The following DAGLA variants were observed in gnomAD, a reference collection of about 807,000 sequenced individuals.
The protein encoded by DAGLA is diacylglycerol lipase alpha.
Under a neutral mutation model 102.6 loss-of-function variants are expected in DAGLA, and 22 were observed. That is an observed-to-expected ratio of 0.21 (90% CI 0.15 to 0.31). DAGLA has a LOEUF of 0.31. Ranked by LOEUF, DAGLA falls within the 10% of genes least tolerant of loss-of-function variation. DAGLA has a pLI of 1.00. For synonymous variants in DAGLA, 578 were observed against 628.9 expected (o/e 0.92, Z 1.21); for missense variants, 927 against 1,446.6 (o/e 0.64, Z 5.83).
At chr11:61,739,864 C>T (rs991834721) in intron 17 of DAGLA, among the ~76,000 whole-genome samples, 2 of 152,196 alleles carry the variant, frequency 1.3e-5, no homozygotes, top group African/African-American at 4.8e-5. Flanking sequence ...GGACTCCAGG[C>T]GTCTCTCTCC....
rs531212352 is a variant in DAGLA, at chr11:61,723,334, T to C, written c.410-100T>C. Reference sequence around the variant, plus strand: ...AGCCTGGCTTTTGTCCCCAGAAGCATTTGGGGTTAGGGAGGCTCCAATGTC... The same window carrying C: ...AGCCTGGCTTTTGTCCCCAGAAGCACTTGGGGTTAGGGAGGCTCCAATGTC... On this transcript the variant is annotated intron_variant, in intron 4 of 19. Transcript: ENST00000257215. 3.4e-6 allele frequency: 5 copies of C among 1,482,336 alleles called. No individual in the cohort carries two copies. The South Asian group carries it at 6.3e-5, about 19-fold the overall frequency. The allele number at this position is 1,482,336 out of a possible 1,614,324, so 91.8% of individuals were successfully genotyped here.
intron 17 of DAGLA, 140 bp from the exon 18 acceptor site, chr11:61,740,323 C>T: frequency 1.8e-6 from 2 of 1,123,616 alleles, no homozygotes; most frequent in Non-Finnish European, 2.5e-6. Context: ...GGGAACAGAG[C>T]CCTGCTGCCA....
chr11:61,680,737 C>G (rs1194749801), intron 1 of DAGLA, among the ~76,000 whole-genome samples: 1 of 151,984 alleles, frequency 6.6e-6, no homozygotes, highest in Non-Finnish European at 1.5e-5. Context: ...CCGGCACAGG[C>G]GGCGTGGTTT....
chr11:61,692,789 T>C (rs933934091), intron 1 of DAGLA, among the ~76,000 whole-genome samples: 6 of 151,614 alleles, frequency 4.0e-5, no homozygotes, highest in Admixed American at 1.3e-4. Context: ...TGAATGAACT[T>C]CCGTACATCT....
chr11:61,727,820 C>T (rs1565259564), intron 6 of DAGLA, among the ~76,000 whole-genome samples: 1 of 152,214 alleles, frequency 6.6e-6, no homozygotes, highest in Admixed American at 6.5e-5. Flanking sequence ...CAGAGCCACC[C>T]GGCCTTGATT....
At position 61,744,064 on chromosome 11, in the gene DAGLA, C is replaced by T. The variant is rs767722766; in HGVS notation, c.2704C>T (p.Leu902=). Residue 902 remains leucine (L), a synonymous_variant, in exon 20 of 20, where the codon CTG becomes TTG. Transcript: ENST00000257215. ...GGAGCTGGCGCTGCACAATGGGCGC[C>T]TGGGGGACTCGCCCAGTCCTCAGGT... ...RGELALHNGR[L]GDSPSPQVLE... 5 of 1,612,728 alleles carry T rather than the reference C, an allele frequency of 3.1e-6. No individual in the cohort carries two copies. Among genetic ancestry groups the T allele is most frequent in the Non-Finnish European group, 4.2e-6 (5 of 1,179,982 alleles).
intron 1 of DAGLA, among the ~76,000 whole-genome samples, chr11:61,683,385 A>G (rs1314059960): frequency 2.0e-5 from 3 of 152,264 alleles, no homozygotes; most frequent in East Asian, 3.9e-4. Flanking sequence ...AGGGGTATCC[A>G]TGGCCTGTCT....
intron 1 of DAGLA, among the ~76,000 whole-genome samples, chr11:61,719,624 C>T (rs1217492443): frequency 2.0e-5 from 3 of 152,240 alleles, no homozygotes; most frequent in Non-Finnish European, 1.5e-5. Flanking sequence ...CCCTTGCCCC[C>T]ACCTTCCCAA....
rs146614173 is a variant in DAGLA at position 61,744,035 on chromosome 11, G to A, written c.2675G>A (p.Arg892His). Residue 892 changes from arginine (R) to histidine (H), a missense_variant, in exon 20 of 20, where the codon CGC becomes CAC. Arg to His is a conservative substitution (Grantham distance 29, BLOSUM62 0). Transcript: ENST00000257215. ...GGTGGGGGTGGCGGGCCGGCCTCCC[G>A]CGGGGAGCTGGCGCTGCACAATGGG... ...VGGGGGGPAS[R>H]GELALHNGRL... The A allele has an allele frequency of 6.8e-6, 11 of 1,612,388 alleles. No individual in the cohort carries two copies. Among genetic ancestry groups the A allele is most frequent in the Non-Finnish European group, 9.3e-6 (11 of 1,179,788 alleles).
At chr11:61,738,249 C>G (rs1477907306) in intron 16 of DAGLA, 42 bp downstream of exon 16, 2 of 1,534,218 alleles carry the variant, frequency 1.3e-6, no homozygotes, top group Non-Finnish European at 9.0e-7. Flanking sequence ...GCAGCCTCAT[C>G]TGTCCCTGCC....
intron 5 of DAGLA, among the ~76,000 whole-genome samples, chr11:61,724,581 G>A (rs755344599): frequency 3.0e-4 from 46 of 152,286 alleles, no homozygotes; most frequent in Middle Eastern, 3.4e-3. Context: ...AATTCTCACC[G>A]TCCCACCCTC....
At chr11:61,718,076 GA>G (rs1367164639) in intron 1 of DAGLA, among the ~76,000 whole-genome samples, 5 of 152,126 alleles carry the variant, frequency 3.3e-5, no homozygotes, top group Non-Finnish European at 2.9e-5. Context: ...TGAGAGGAGG[GA>G]CCTCCCAGGG....
At chr11:61,700,836 C>T (rs1338300855) in intron 1 of DAGLA, among the ~76,000 whole-genome samples, 2 of 152,216 alleles carry the variant, frequency 1.3e-5, no homozygotes, top group Admixed American at 6.5e-5. Flanking sequence ...ATAGCCCGAT[C>T]CTCAGGCCTT....
intron 1 of DAGLA, among the ~76,000 whole-genome samples, chr11:61,711,643 T>C (rs891646304): frequency 2.0e-5 from 3 of 152,218 alleles, no homozygotes; most frequent in African/African-American, 7.2e-5. Flanking sequence ...AAGGCCTCAA[T>C]TGATTCCCAG....
chr11:61,716,223 G>A (rs1021907255), intron 1 of DAGLA, among the ~76,000 whole-genome samples: 1 of 152,160 alleles, frequency 6.6e-6, no homozygotes, highest in Non-Finnish European at 1.5e-5. Flanking sequence ...CTGGGGTGGG[G>A]ATGGGCAGCA....
chr11:61,743,097 G>A (rs1332875579), intron 19 of DAGLA, among the ~76,000 whole-genome samples: 1 of 152,136 alleles, frequency 6.6e-6, no homozygotes, highest in Non-Finnish European at 1.5e-5. Flanking sequence ...GGGCGCGGTG[G>A]CTCACGCCTG....
rs145818680 is a variant in DAGLA, at chr11:61,741,984, C to T, written c.2171+635C>T. Among the ~76,000 whole-genome samples, 274 of 152,318 alleles carry T rather than the reference C, an allele frequency of 1.8e-3. 1 individual carries two copies. The highest frequency in any genetic ancestry group is 6.1e-3 in the African/African-American group (252 of 41,562). On this transcript the variant is annotated intron_variant, in intron 19 of 19. Transcript: ENST00000257215. ...ATTTACTTACATATTTGTATTGAAG[C>T]TTACACACATACATGTGCACACAAT...
intron 2 of DAGLA, 84 bp downstream of exon 2, chr11:61,720,334 G>A (rs1216338405): frequency 1.4e-6 from 2 of 1,404,812 alleles, no homozygotes; most frequent in Admixed American, 3.5e-5. Flanking sequence ...GTTCCTCCCT[G>A]CTTGGGCCCA....
At chr11:61,683,361 CCCATGTTGGTCTGAGGGGTAT>C (rs2064960404) in intron 1 of DAGLA, among the ~76,000 whole-genome samples, 1 of 152,196 alleles carries the variant, frequency 6.6e-6, no homozygotes, top group Admixed American at 6.5e-5. Flanking sequence ...CCTGGTCATT[CCCATGTTGGTCTGAGGGGTAT>C]CCATGGCCTG....
Sources: gnomAD v4.1 joint callset for allele counts (sites outside exome capture counted in the v4.1 genomes callset) on GRCh38, gnomAD v4.1.1 for gene constraint, MANE v1.5 for transcripts, NCBI Gene and HGNC (gene_info 2026-07-23, HGNC 2026-07-21) for gene names.